Variants in PPFIA2 observed in about 807,000 individuals in gnomAD.
PPFIA2 encodes the protein PPFI scaffold protein A2.
PPFIA2 carries 46 observed loss-of-function variants against 175.5 expected under a neutral mutation model. That is an observed-to-expected ratio of 0.26 (90% CI 0.21 to 0.34). PPFIA2 has a LOEUF of 0.34. PPFIA2 is among the 10% of genes least tolerant of loss of function. The pLI is 1.00. For missense variants in PPFIA2, 1,179 were observed against 1,506.1 expected (o/e 0.78, Z 3.60); for synonymous variants, 568 against 511.4 (o/e 1.11, Z -1.49).
At chr12:81,571,183 C>A (rs570509586) in intron 4 of PPFIA2, among the ~76,000 whole-genome samples, 1 of 151,894 alleles carries the variant, frequency 6.6e-6, no homozygotes, top group African/African-American at 2.4e-5. Context: ...AAATTTCTTG[C>A]GTAAAATGCT....
At chr12:81,345,028 C>T (rs913697926) in intron 18 of PPFIA2, among the ~76,000 whole-genome samples, 5 of 151,978 alleles carry the variant, frequency 3.3e-5, no homozygotes, top group Admixed American at 2.0e-4. Flanking sequence ...TAGAAATAAA[C>T]GAGACTGCAT....
rs1456306686 is a variant in PPFIA2, at chr12:81,642,476, C to A, written c.303+34315G>T. On this transcript the variant is annotated intron_variant, in intron 4 of 32. Transcript: ENST00000549396. ...AAACTGAAAATATATGCAGTTCCTT[C>A]CATGTTGCAACTATTGTACTAAAGA... Among the ~76,000 whole-genome samples, 4 of 150,552 alleles carry A rather than the reference C, an allele frequency of 2.7e-5. No individual in the cohort carries two copies. The East Asian group carries it at 7.8e-4, about 29-fold the overall frequency.
intron 4 of PPFIA2, among the ~76,000 whole-genome samples, chr12:81,531,938 A>T (rs1459157299): frequency 1.3e-5 from 2 of 151,838 alleles, no homozygotes; most frequent in Non-Finnish European, 2.9e-5. Context: ...ATTTTGAATT[A>T]ATTTGATATT....
intron 4 of PPFIA2, among the ~76,000 whole-genome samples, chr12:81,513,803 T>C (rs1038869298): frequency 6.6e-6 from 1 of 152,016 alleles, no homozygotes; most frequent in African/African-American, 2.4e-5. Context: ...AAGATCATTG[T>C]CATAAGAATG....
chr12:81,682,268 CAAGA>C (rs1442994065), intron 3 of PPFIA2, among the ~76,000 whole-genome samples: 1 of 151,942 alleles, frequency 6.6e-6, no homozygotes, highest in Non-Finnish European at 1.5e-5. Flanking sequence ...TATGAGAACA[CAAGA>C]AGAAGGCAGC....
chr12:81,380,664 A>G (rs2037431182), intron 9 of PPFIA2, among the ~76,000 whole-genome samples: 1 of 152,134 alleles, frequency 6.6e-6, no homozygotes, highest in Non-Finnish European at 1.5e-5. Context: ...TAGTGGAAGA[A>G]GCACAGGTTT....
chr12:81,698,327 G>A (rs1463559452), intron 3 of PPFIA2, among the ~76,000 whole-genome samples: 6 of 152,100 alleles, frequency 3.9e-5, no homozygotes, highest in African/African-American at 1.4e-4. Context: ...TATTGCAGAA[G>A]CAAGTTTCTG....
At chr12:81,658,054 A>T (rs541784086) in intron 4 of PPFIA2, among the ~76,000 whole-genome samples, 1 of 152,234 alleles carries the variant, frequency 6.6e-6, no homozygotes, top group East Asian at 1.9e-4. Flanking sequence ...GGGTAACCTG[A>T]GGTCAGGAGT....
intron 3 of PPFIA2, among the ~76,000 whole-genome samples, chr12:81,716,144 C>T (rs890048931): frequency 6.6e-6 from 1 of 151,464 alleles, no homozygotes; most frequent in Non-Finnish European, 1.5e-5. Flanking sequence ...TATTTATCTA[C>T]ATATAATGTA....
intron 4 of PPFIA2, among the ~76,000 whole-genome samples, chr12:81,640,123 T>C (rs537819127): frequency 8.5e-5 from 13 of 152,162 alleles, no homozygotes; most frequent in Non-Finnish European, 8.8e-5. Flanking sequence ...TGTGTGTATA[T>C]GTATCTAAAT....
At chr12:81,353,927 T>A (rs1295974040) in intron 16 of PPFIA2, among the ~76,000 whole-genome samples, 1 of 152,200 alleles carries the variant, frequency 6.6e-6, no homozygotes, top group Non-Finnish European at 1.5e-5. Context: ...CACAAATTTA[T>A]TGGTTTCCCA....
chr12:81,344,670 C>A lies in PPFIA2; in HGVS notation c.2256G>T (p.Arg752=). 1 of 1,558,830 alleles carries A rather than the reference C, an allele frequency of 6.4e-7. No individual in the cohort carries two copies. The highest frequency in any genetic ancestry group is 8.7e-7 in the Non-Finnish European group (1 of 1,146,850). The change falls in exon 19 of 33, where the codon CGG becomes CGT. Residue 752 remains arginine, a synonymous_variant. Transcript: ENST00000549396. ...MTLPSDLRKH[R]RKIAVVEEDG... is the part of the protein sequence containing the mutation. Reference sequence around the variant, plus strand: ...TAAAAGTTATTTACTGTACCTTTCTCCGATGTTTCCTCAGATCACTTGGCT... The same window carrying A: ...TAAAAGTTATTTACTGTACCTTTCTACGATGTTTCCTCAGATCACTTGGCT...
At chr12:81,689,447 T>C (rs1275877148) in intron 3 of PPFIA2, among the ~76,000 whole-genome samples, 2 of 152,026 alleles carry the variant, frequency 1.3e-5, no homozygotes, top group Non-Finnish European at 2.9e-5. Flanking sequence ...ATGTTTATAA[T>C]ACCAAATAAT....
intron 3 of PPFIA2, among the ~76,000 whole-genome samples, chr12:81,710,645 C>T (rs115874581): frequency 6.6e-6 from 1 of 151,840 alleles, no homozygotes; most frequent in Non-Finnish European, 1.5e-5. Context: ...GCACCCAAGT[C>T]TAAACACAAA....
intron 9 of PPFIA2, among the ~76,000 whole-genome samples, chr12:81,380,806 C>A (rs1278673121): frequency 6.6e-6 from 1 of 152,102 alleles, no homozygotes; most frequent in Non-Finnish European, 1.5e-5. Context: ...ATTAGCATTG[C>A]CCCTTTTGCC....
intron 8 of PPFIA2, among the ~76,000 whole-genome samples, chr12:81,396,876 G>T (rs186352340): frequency 3.9e-5 from 6 of 152,094 alleles, no homozygotes; most frequent in Admixed American, 6.6e-5. Flanking sequence ...TAGGATTCTG[G>T]ATATATTTTG....
chr12:81,325,934 G>C, intron 21 of PPFIA2, 64 bp from the exon 22 acceptor site: 4 of 1,198,890 alleles, frequency 3.3e-6, no homozygotes, highest in African/African-American at 1.5e-5. Flanking sequence ...TCTGAAGTCA[G>C]GTTGTTAAAG....
chr12:81,480,386 A>G (rs1386856487), intron 4 of PPFIA2, among the ~76,000 whole-genome samples: 1 of 151,940 alleles, frequency 6.6e-6, no homozygotes, highest in Admixed American at 6.6e-5. Flanking sequence ...GTTTGTTATT[A>G]CCCACCTTCT....
intron 27 of PPFIA2, among the ~76,000 whole-genome samples, chr12:81,278,843 A>C (rs2041307760): frequency 6.6e-6 from 1 of 152,238 alleles, no homozygotes. Context: ...TTAGGAATAT[A>C]AGCAAATTTA....
Sources: gnomAD v4.1 joint callset for allele counts (sites outside exome capture counted in the v4.1 genomes callset) on GRCh38, gnomAD v4.1.1 for gene constraint, MANE v1.5 for transcripts, NCBI Gene and HGNC (gene_info 2026-07-23, HGNC 2026-07-21) for gene names.